XRCC4: variants seen among roughly 807,000 people sequenced by gnomAD.
XRCC4 encodes the protein DNA repair protein XRCC4.
In XRCC4, 28 loss-of-function variants were observed where a neutral mutation model predicts 39.1. The observed-to-expected ratio is 0.72, with a 90% CI of 0.53 to 0.98. The LOEUF is 0.98. Ranked by LOEUF, XRCC4 falls within the 50% of genes least tolerant of loss-of-function variation. The probability of loss-of-function intolerance (pLI) is 0.00; values close to 1 mark genes in which losing one functional copy is unlikely to be tolerated. For synonymous variants in XRCC4, 123 were observed against 126.4 expected, an observed-to-expected ratio of 0.97 and a Z score of 0.18; for missense variants, 350 against 376.4, an observed-to-expected ratio of 0.93 and a Z score of 0.58.
At chr5:83,315,300 G>T (rs1338608369) in intron 7 of XRCC4, among the ~76,000 whole-genome samples, 5 of 152,112 alleles carry the variant, frequency 3.3e-5, no homozygotes, top group African/African-American at 1.2e-4. Context: ...GCCGAGATTG[G>T]TTTAGGAGGT....
intron 3 of XRCC4, among the ~76,000 whole-genome samples, chr5:83,176,649 G>A (rs889221610): frequency 6.9e-6 from 1 of 144,370 alleles, no homozygotes; most frequent in East Asian, 1.9e-4. Flanking sequence ...TTTTGACAAG[G>A]TCTCACTCTG....
At chr5:83,160,608 A>G (rs1747716151) in intron 3 of XRCC4, among the ~76,000 whole-genome samples, 1 of 152,200 alleles carries the variant, frequency 6.6e-6, no homozygotes, top group Admixed American at 6.5e-5. Context: ...TCATTCTGTG[A>G]AGCTCTTAAT....
At chr5:83,137,735 T>G (rs1423718256) in intron 3 of XRCC4, among the ~76,000 whole-genome samples, 1 of 152,134 alleles carries the variant, frequency 6.6e-6, no homozygotes, top group South Asian at 2.1e-4. Context: ...TGTAAGGATT[T>G]AATTAATTAG....
At chr5:83,155,162 T>A (rs1318515513) in intron 3 of XRCC4, among the ~76,000 whole-genome samples, 1 of 152,142 alleles carries the variant, frequency 6.6e-6, no homozygotes. Context: ...TTTCTTGGTT[T>A]TAAATTTAAA....
chr5:83,227,926 C>T (rs570239462), intron 6 of XRCC4, among the ~76,000 whole-genome samples: 2 of 152,008 alleles, frequency 1.3e-5, no homozygotes, highest in African/African-American at 2.4e-5. Flanking sequence ...GGGAGGATAG[C>T]GTACCTTCAG....
intron 7 of XRCC4, among the ~76,000 whole-genome samples, chr5:83,307,026 G>A (rs1018348743): frequency 2.0e-5 from 3 of 152,110 alleles, no homozygotes; most frequent in East Asian, 1.9e-4. Context: ...CCTCTACTAC[G>A]CCAGAGTAAG....
intron 1 of XRCC4, among the ~76,000 whole-genome samples, chr5:83,085,225 A>G (rs951008698): frequency 1.3e-5 from 2 of 152,214 alleles, no homozygotes; most frequent in Non-Finnish European, 2.9e-5. Flanking sequence ...ATGGCTGCTA[A>G]GAAATGAGAT....
At chr5:83,133,716 C>T (rs1747728491) in intron 3 of XRCC4, among the ~76,000 whole-genome samples, 1 of 152,138 alleles carries the variant, frequency 6.6e-6, no homozygotes, top group South Asian at 2.1e-4. Flanking sequence ...TCCCAGTGTG[C>T]TGTTTGCTAA....
Position 83,235,444 on chromosome 5 carries a change from A to C in XRCC4, c.746-23086A>C, listed in dbSNP as rs548127533. 6.6e-5 allele frequency among the ~76,000 whole-genome samples: 10 copies of C among 152,214 alleles called. No individual in the cohort carries two copies. In the South Asian group the frequency reaches 8.3e-4, roughly 13 times the overall value. ...TCAATAAATGTGGTATGTTGTATCAACAAAAATGGCCAAAAATCATATAAT... is the reference window on the plus strand; with the variant it reads ...TCAATAAATGTGGTATGTTGTATCACCAAAAATGGCCAAAAATCATATAAT... On this transcript the variant is annotated intron_variant, in intron 6 of 7. Transcript: ENST00000396027.
At chr5:83,365,709 T>G in the XRCC4 span, among the ~76,000 whole-genome samples, 2 of 152,196 alleles carry the variant, frequency 1.3e-5, no homozygotes, top group African/African-American at 4.8e-5. Context: ...CAAATTTCAT[T>G]ATTAGGAAAT....
chr5:83,088,778 C>T (rs2112306252), intron 1 of XRCC4, among the ~76,000 whole-genome samples: 1 of 152,272 alleles, frequency 6.6e-6, no homozygotes, highest in South Asian at 2.1e-4. Context: ...ACATTTCCAA[C>T]TTCCTTCTAA....
chr5:83,266,184 A>T (rs1284951355), intron 7 of XRCC4, among the ~76,000 whole-genome samples: 1 of 151,692 alleles, frequency 6.6e-6, no homozygotes, highest in African/African-American at 2.4e-5. Context: ...AAAGTTATTA[A>T]TCAAAGGAAA....
At chr5:83,309,172 G>T (rs970236565) in intron 7 of XRCC4, among the ~76,000 whole-genome samples, 1 of 146,978 alleles carries the variant, frequency 6.8e-6, no homozygotes, top group Non-Finnish European at 1.5e-5. Context: ...CCAGCTACTC[G>T]GGAGGCTGAG....
At chr5:83,096,853 G>C (rs998143920) in intron 1 of XRCC4, among the ~76,000 whole-genome samples, 1 of 152,080 alleles carries the variant, frequency 6.6e-6, no homozygotes, top group African/African-American at 2.4e-5. Context: ...GTGAGTAATG[G>C]CTACCACCTT....
chr5:83,119,268 T>C (rs1347693114), intron 3 of XRCC4, among the ~76,000 whole-genome samples: 1 of 152,216 alleles, frequency 6.6e-6, no homozygotes, highest in Non-Finnish European at 1.5e-5. Context: ...TAGTAATGAC[T>C]TTCAGGTCTG....
intron 3 of XRCC4, among the ~76,000 whole-genome samples, chr5:83,116,618 T>G (rs1278006079): frequency 0.075 from 9,406 of 125,436 alleles, 1,276 homozygotes; most frequent in African/African-American, 0.25. Context: ...CTTTTTTTTT[T>G]TTTTTTTTTT....
At chr5:83,121,488 T>C (rs1326733630) in intron 3 of XRCC4, among the ~76,000 whole-genome samples, 1 of 152,198 alleles carries the variant, frequency 6.6e-6, no homozygotes, top group Non-Finnish European at 1.5e-5. Context: ...TGTGTGACCA[T>C]GTCTCATATT....
At chr5:83,103,712 A>G (rs1395633443) in intron 1 of XRCC4, among the ~76,000 whole-genome samples, 6 of 152,206 alleles carry the variant, frequency 3.9e-5, no homozygotes, top group African/African-American at 1.2e-4. Context: ...ATAGACTACT[A>G]TACTGCCCTG....
At chr5:83,366,012 C>T in the XRCC4 span, among the ~76,000 whole-genome samples, 2 of 152,118 alleles carry the variant, frequency 1.3e-5, no homozygotes, top group African/African-American at 2.4e-5. Flanking sequence ...AGCTTATGCC[C>T]CCTAGTAACC....
Sources: allele counts gnomAD v4.1 joint callset (sites outside exome capture counted in the v4.1 genomes callset), GRCh38; gene constraint gnomAD v4.1.1; transcripts MANE v1.5; gene names NCBI Gene and HGNC (gene_info 2026-07-23, HGNC 2026-07-21).